TRPM2: variants seen among roughly 807,000 people sequenced by gnomAD.
TRPM2 encodes estrogen-responsive element-associated gene 1 protein.
TRPM2 carries 161 observed loss-of-function variants against 174.0 expected under a neutral mutation model. The observed-to-expected ratio is 0.93, with a 90% CI of 0.81 to 1.05. The LOEUF (loss-of-function observed/expected upper bound fraction) is 1.05, where lower values mean the gene tolerates loss of function less well. TRPM2 is among the 50% of genes least tolerant of loss of function. TRPM2 has a pLI of 0.00. For synonymous variants in TRPM2, 954 were observed against 861.3 expected, an observed-to-expected ratio of 1.11 and a Z score of -1.88; for missense variants, 2,057 against 2,038.0, an observed-to-expected ratio of 1.01 and a Z score of -0.18.
chr21:44,431,402 G>A (rs968795255), intron 27 of TRPM2, among the ~76,000 whole-genome samples: 1 of 151,798 alleles, frequency 6.6e-6, no homozygotes, highest in African/African-American at 2.4e-5. Flanking sequence ...GCCTCCTCAA[G>A]TGCTGGGATT....
chr21:44,363,069 G>A (rs959803292), intron 2 of TRPM2, among the ~76,000 whole-genome samples: 13 of 151,404 alleles, frequency 8.6e-5, no homozygotes, highest in Admixed American at 3.3e-4. Context: ...ACTGCGCCTC[G>A]CCGCTTTTAA....
intron 12 of TRPM2, among the ~76,000 whole-genome samples, chr21:44,395,846 A>G (rs1602211162): frequency 2.7e-4 from 1 of 3,682 alleles, no homozygotes; most frequent in Non-Finnish European, 5.1e-4. Context: ...AGGGGTGTGG[A>G]GGGCTGTGGA....
At chr21:44,400,457 C>T (rs2049580811) in intron 15 of TRPM2, 86 bp downstream of exon 15, 1 of 1,171,582 alleles carries the variant, frequency 8.5e-7, no homozygotes, top group African/African-American at 1.5e-5. Context: ...TCCCTAGATC[C>T]CCTCGCTGGG....
chr21:44,359,628 G>A (rs143849996), intron 2 of TRPM2, among the ~76,000 whole-genome samples: 69 of 149,416 alleles, frequency 4.6e-4, no homozygotes, highest in African/African-American at 1.6e-3. Context: ...ATTTGTCCCC[G>A]CCCATGTCCT....
chr21:44,409,121 T>C (rs2050004397), intron 19 of TRPM2, among the ~76,000 whole-genome samples: 1 of 152,192 alleles, frequency 6.6e-6, no homozygotes, highest in Admixed American at 6.6e-5. Flanking sequence ...CTTTATGGTG[T>C]CATTTGATGC....
At position 44,439,008 on chromosome 21, in the gene TRPM2, G is replaced by A; in HGVS notation, c.4168-59G>A. On this transcript the variant is annotated intron_variant, in intron 29 of 31. Transcript: ENST00000397928. This position sits in a 1 kb window ranked among gnomAD's most constrained non-coding sequence, Gnocchi z 5.1. The stretch of plus-strand genomic sequence containing the variant: ...GAGGCCAGTGGAGACGGGTGCCAGG[G>A]CAGCCTGAGGTCCCGCTTCGGTGCC... 2.1e-6 allele frequency: 3 copies of A among 1,458,264 alleles called. No homozygotes were observed. The highest frequency in any genetic ancestry group is 2.3e-5 in the South Asian group (2 of 86,162). The allele number at this position is 1,458,264 out of a possible 1,614,324, so 90.3% of individuals were successfully genotyped here. A position where few individuals can be genotyped will look rare whatever the true frequency, so the allele number is the denominator to read the frequency against.
intron 2 of TRPM2, among the ~76,000 whole-genome samples, chr21:44,362,822 G>A (rs2048254756): frequency 6.6e-6 from 1 of 152,030 alleles, no homozygotes; most frequent in Admixed American, 6.5e-5. Context: ...CTCCCAGGCT[G>A]GAGTGCAGTG....
Position 44,367,018 on chromosome 21 carries a change from G to A in TRPM2, c.604+84G>A. The A allele has an allele frequency of 6.9e-7, 1 of 1,450,820 alleles. No individual in the cohort carries two copies. Among genetic ancestry groups the A allele is most frequent in the Non-Finnish European group, 9.1e-7 (1 of 1,095,502 alleles). The allele number at this position is 1,450,820 out of a possible 1,614,324, so 89.9% of individuals were successfully genotyped here. A position where few individuals can be genotyped will look rare whatever the true frequency, so the allele number is the denominator to read the frequency against. On this transcript the variant is annotated intron_variant, in intron 4 of 31. Coordinates refer to ENST00000397928, the MANE Select transcript of TRPM2 (RefSeq NM_003307.4). This position sits in a 1 kb window ranked among gnomAD's most constrained non-coding sequence, Gnocchi z 4.6. ...GTGCTGGGGCAATCAGGGCCATCAG[G>A]ACCCAAAAAGTCCCTGGGAGCCGCC...
chr21:44,426,664 A>G lies in TRPM2; in HGVS notation c.3800A>G (p.Glu1267Gly), dbSNP rs1284188662. ...AAACTCCCTGTTTTGCGACAGACGG[A>G]GTTCCTGATCTATGACCCACCCTTT... is the stretch of plus-strand genomic sequence containing the variant. ...VPNEKVPWET[E>G]FLIYDPPFYT... Residue 1267 changes from glutamate (E) to glycine (G), a missense_variant, in exon 26 of 32, where the codon GAG becomes GGG. By Grantham distance (98) the Glu-to-Gly change is moderately conservative. Transcript: ENST00000397928. 8.7e-6 allele frequency: 14 copies of G among 1,614,038 alleles called. No homozygotes were observed. The highest frequency in any genetic ancestry group is 4.0e-5 in the African/African-American group (3 of 74,918).
intron 31 of TRPM2, among the ~76,000 whole-genome samples, 200 bp downstream of exon 31, chr21:44,441,105 C>A (rs2051487562): frequency 2.0e-5 from 3 of 152,146 alleles, no homozygotes. Flanking sequence ...AAGGGAGGGA[C>A]CTGGCCGTGC....
At chr21:44,408,530 G>A (rs775892715) in intron 19 of TRPM2, among the ~76,000 whole-genome samples, 1 of 151,706 alleles carries the variant, frequency 6.6e-6, no homozygotes, top group African/African-American at 2.4e-5. Context: ...TGGGTGAGAA[G>A]TGGCTCTCCT....
intron 16 of TRPM2, among the ~76,000 whole-genome samples, chr21:44,403,750 C>T (rs1408656983): frequency 6.6e-6 from 1 of 151,152 alleles, no homozygotes; most frequent in African/African-American, 2.4e-5. Context: ...TATAGAGATG[C>T]ACACACATGC....
rs2048385269 is a variant in TRPM2 at position 44,367,076 on chromosome 21, C to T, written c.604+142C>T. ...TGCCCCAGCCTGAGTCGGACCCATG[C>T]ACCTCTCACCTGGGCACAGCTGCTC... On this transcript the variant is annotated intron_variant, in intron 4 of 31. Transcript: ENST00000397928. The surrounding 1 kb of genome is among the most constrained non-coding windows in gnomAD (Gnocchi z 4.6). 1.0e-6 allele frequency: 1 copy of T among 999,360 alleles called. No homozygotes were observed. The highest frequency in any genetic ancestry group is 1.4e-6 in the Non-Finnish European group (1 of 702,452). 61.9% of individuals were successfully genotyped at this position (999,360 alleles called of 1,614,324 possible).
At position 44,442,062 on chromosome 21, in the gene TRPM2, C is replaced by T; in HGVS notation, c.*245C>T. On this transcript the variant is annotated 3_prime_UTR_variant, in exon 32 of 32. Coordinates refer to ENST00000397928, the MANE Select transcript of TRPM2 (RefSeq NM_003307.4). ...CACAGGCTACTCAGAGCTGAGGGGCCCCTGGGACCCTTGGCCATCAGGCGA... is the reference window on the plus strand; with the variant it reads ...CACAGGCTACTCAGAGCTGAGGGGCTCCTGGGACCCTTGGCCATCAGGCGA... The T allele has an allele frequency of 2.2e-6, 1 of 460,446 alleles. No homozygotes were observed. The highest frequency in any genetic ancestry group is 3.5e-6 in the Non-Finnish European group (1 of 285,910). 28.5% of individuals were successfully genotyped at this position (460,446 alleles called of 1,614,324 possible).
chr21:44,436,914 T>TG, intron 28 of TRPM2, 148 bp from the exon 29 acceptor site: 1 of 633,250 alleles, frequency 1.6e-6, no homozygotes, highest in South Asian at 1.9e-5. Flanking sequence ...GTCTTTTCCC[T>TG]GGGGATGAAG....
chr21:44,406,620 C>T lies in TRPM2; in HGVS notation c.2817C>T (p.Phe939=). 6.2e-7 allele frequency: 1 copy of T among 1,610,828 alleles called. No individual in the cohort carries two copies. The highest frequency in any genetic ancestry group is 1.3e-5 in the African/African-American group (1 of 74,978). ...TGAAGGACGTCTTCTTCTTCCTCTTCCTGCTGGCTGTGTGGGTGGTGTCCT... is the reference window on the plus strand; with the variant it reads ...TGAAGGACGTCTTCTTCTTCCTCTTTCTGCTGGCTGTGTGGGTGGTGTCCT... The part of the protein sequence containing the change: ...RMMKDVFFFL[F]LLAVWVVSFG... The change falls in exon 19 of 32, where the codon TTC becomes TTT. Residue 939 remains phenylalanine (F), a synonymous_variant. Coordinates refer to ENST00000397928, the MANE Select transcript of TRPM2 (RefSeq NM_003307.4).
chr21:44,440,660 AGCTGGGCCGGGGTCCTGTGTGT>A, intron 30 of TRPM2, 107 bp from the exon 31 acceptor site: 1 of 787,562 alleles, frequency 1.3e-6, no homozygotes, highest in Non-Finnish European at 2.2e-6. Context: ...GGCTGGGGAG[AGCTGGGCCGGGGTCCTGTGTGT>A]GCTGGAAGCT....
At chr21:44,361,359 C>T (rs978601555) in intron 2 of TRPM2, among the ~76,000 whole-genome samples, 3 of 151,308 alleles carry the variant, frequency 2.0e-5, no homozygotes, top group East Asian at 2.0e-4. Flanking sequence ...ATGATCCACT[C>T]GCCTTGGCCT....
chr21:44,425,867 GC>G, intron 25 of TRPM2, 40 bp downstream of exon 25: 1 of 1,496,662 alleles, frequency 6.7e-7, no homozygotes, highest in Non-Finnish European at 9.0e-7. Flanking sequence ...GAGTGGCCGG[GC>G]CCCTGGGGAG....
Sources: gnomAD v4.1 joint callset for allele counts (sites outside exome capture counted in the v4.1 genomes callset) on GRCh38, gnomAD v4.1.1 for gene constraint, Gnocchi (gnomAD v3.1) non-coding constraint, MANE v1.5 for transcripts, NCBI Gene and HGNC (gene_info 2026-07-23, HGNC 2026-07-21) for gene names.